REDIC1: variants seen among roughly 807,000 people sequenced by gnomAD.
REDIC1 encodes the protein regulator of DNA class I crossover intermediates 1, also known as HEI10 Interacting Protein 1.
chr12:39,835,507 T>C, the REDIC1 span, among the ~76,000 whole-genome samples: 2 of 152,106 alleles, frequency 1.3e-5, no homozygotes, highest in Non-Finnish European at 2.9e-5. Flanking sequence ...TAAAAGGAAT[T>C]GCGGAATGAA....
chr12:39,696,787 G>A, the REDIC1 span, among the ~76,000 whole-genome samples: 1 of 152,002 alleles, frequency 6.6e-6, no homozygotes, highest in Non-Finnish European at 1.5e-5. Flanking sequence ...TTGACATATT[G>A]AAGAATGCAT....
chr12:39,699,105 AAAG>A, the REDIC1 span, among the ~76,000 whole-genome samples: 2 of 152,192 alleles, frequency 1.3e-5, no homozygotes, highest in African/African-American at 4.8e-5. Context: ...ACTAAGAAAA[AAAG>A]AAGATGTAAA....
At chr12:39,808,709 T>C in the REDIC1 span, among the ~76,000 whole-genome samples, 3 of 152,318 alleles carry the variant, frequency 2.0e-5, no homozygotes, top group East Asian at 5.8e-4. Flanking sequence ...ATGTGCTTAT[T>C]TGCCATCTTT....
At chr12:39,729,438 G>A in the REDIC1 span, among the ~76,000 whole-genome samples, 3 of 152,148 alleles carry the variant, frequency 2.0e-5, no homozygotes, top group Admixed American at 2.0e-4. Flanking sequence ...TTCAGGAGCA[G>A]GTTGTTCAGT....
chr12:39,833,065 GA>G, the REDIC1 span, among the ~76,000 whole-genome samples: 3 of 151,924 alleles, frequency 2.0e-5, no homozygotes, highest in Admixed American at 6.6e-5. Context: ...CCACATCCTG[GA>G]AATTATTATC....
At chr12:39,823,279 T>C in the REDIC1 span, among the ~76,000 whole-genome samples, 2 of 152,238 alleles carry the variant, frequency 1.3e-5, no homozygotes, top group Non-Finnish European at 2.9e-5. Context: ...AGCTACATTG[T>C]TATTAATTTA....
At chr12:39,716,980 T>A in the REDIC1 span, 7 of 460,754 alleles carry the variant, frequency 1.5e-5, no homozygotes, top group South Asian at 9.2e-5. Flanking sequence ...AGGTAAAAAA[T>A]TTTAAAAAGT....
the REDIC1 span, among the ~76,000 whole-genome samples, chr12:39,788,365 G>A: frequency 1.3e-5 from 2 of 152,112 alleles, no homozygotes. Flanking sequence ...TGAACACAGT[G>A]CAATAGTGCA....
chr12:39,753,802 T>A, the REDIC1 span, among the ~76,000 whole-genome samples: 3 of 152,174 alleles, frequency 2.0e-5, no homozygotes, highest in Non-Finnish European at 4.4e-5. Context: ...TAACCTTCAC[T>A]ACACACAAGT....
chr12:39,803,359 C>G, the REDIC1 span, among the ~76,000 whole-genome samples: 1 of 152,038 alleles, frequency 6.6e-6, no homozygotes, highest in African/African-American at 2.4e-5. Context: ...CAGTAGATGA[C>G]AGCAGTGGAT....
the REDIC1 span, among the ~76,000 whole-genome samples, chr12:39,671,040 CT>C: frequency 1.3e-5 from 2 of 151,978 alleles, no homozygotes. Flanking sequence ...TCATAAATTT[CT>C]TTTTTGTTAG....
At chr12:39,669,988 CT>C in the REDIC1 span, among the ~76,000 whole-genome samples, 1 of 152,148 alleles carries the variant, frequency 6.6e-6, no homozygotes, top group African/African-American at 2.4e-5. Context: ...TCCCTGATCC[CT>C]TGCGCTTCCC....
chr12:39,777,127 T>G, the REDIC1 span, among the ~76,000 whole-genome samples: 1 of 152,228 alleles, frequency 6.6e-6, no homozygotes, highest in Non-Finnish European at 1.5e-5. Flanking sequence ...AAAAACAAAC[T>G]TAGTTTTTCA....
the REDIC1 span, among the ~76,000 whole-genome samples, chr12:39,840,599 T>C: frequency 6.6e-6 from 1 of 152,038 alleles, no homozygotes; most frequent in African/African-American, 2.4e-5. Context: ...TGGATGTTAC[T>C]TTCCACCTTA....
At chr12:39,903,079 G>A in the REDIC1 span, among the ~76,000 whole-genome samples, 8 of 152,102 alleles carry the variant, frequency 5.3e-5, no homozygotes, top group Non-Finnish European at 1.0e-4. Context: ...TAGGAACATC[G>A]TAATAATGAG....
the REDIC1 span, among the ~76,000 whole-genome samples, chr12:39,725,400 T>C: frequency 2.6e-5 from 4 of 152,110 alleles, no homozygotes; most frequent in Non-Finnish European, 5.9e-5. Flanking sequence ...TAGGAAAGGT[T>C]TTTCTTGATT....
the REDIC1 span, among the ~76,000 whole-genome samples, chr12:39,862,086 C>T: frequency 6.6e-6 from 1 of 152,106 alleles, no homozygotes; most frequent in African/African-American, 2.4e-5. Context: ...TCCTTGTGTC[C>T]CTATGTTCTC....
chr12:39,711,370 CAT>C, the REDIC1 span, among the ~76,000 whole-genome samples: 3 of 141,392 alleles, frequency 2.1e-5, no homozygotes, highest in East Asian at 4.1e-4. Flanking sequence ...CATATATACA[CAT>C]ATACATATAT....
chr12:39,759,971 G>T, the REDIC1 span: 1 of 1,369,390 alleles, frequency 7.3e-7, no homozygotes, highest in Non-Finnish European at 1.0e-6. Context: ...GTCACCAATT[G>T]CTGTTCTTCT....
Sources: gnomAD v4.1 joint callset for allele counts (sites outside exome capture counted in the v4.1 genomes callset) on GRCh38, gnomAD v4.1.1 for gene constraint, MANE v1.5 for transcripts, NCBI Gene and HGNC (gene_info 2026-07-23, HGNC 2026-07-21) for gene names.